Variants in USP32 observed in about 807,000 individuals in gnomAD.
USP32 encodes the protein ubiquitin carboxyl-terminal hydrolase 32.
USP32 carries 59 observed loss-of-function variants against 204.8 expected under a neutral mutation model. That is an observed-to-expected ratio of 0.29 (90% CI 0.23 to 0.36). The LOEUF is 0.36. USP32 is among the 10% of genes least tolerant of loss of function. The probability of loss-of-function intolerance (pLI) is 1.00; values close to 1 mark genes in which losing one functional copy is unlikely to be tolerated. For missense variants in USP32, 1,160 were observed against 1,946.4 expected, an observed-to-expected ratio of 0.60 and a Z score of 7.60; for synonymous variants, 517 against 678.4, an observed-to-expected ratio of 0.76 and a Z score of 3.70.
rs150224191 is a variant in USP32, at chr17:60,303,125, A to T, written c.187-1421T>A. 1.2e-4 allele frequency among the ~76,000 whole-genome samples: 19 copies of T among 152,366 alleles called. No homozygotes were observed. In the East Asian group the frequency reaches 3.7e-3, roughly 29 times the overall value. ...GCCAGTGATAACTCAACCCAGCAAAAACTAGCCAAAGGAAATAGCTACAGA... is the reference window on the plus strand; with the variant it reads ...GCCAGTGATAACTCAACCCAGCAAATACTAGCCAAAGGAAATAGCTACAGA... On this transcript the variant is annotated intron_variant, in intron 2 of 33. Transcript: ENST00000300896.
chr17:60,303,465 G>A (rs2087638708), intron 2 of USP32, among the ~76,000 whole-genome samples: 1 of 150,970 alleles, frequency 6.6e-6, no homozygotes, highest in Non-Finnish European at 1.5e-5. Context: ...ACAAATAGAA[G>A]GTAACATCAA....
At chr17:60,405,420 G>A (rs2089968204) in intron 1 of USP32, among the ~76,000 whole-genome samples, 3 of 151,894 alleles carry the variant, frequency 2.0e-5, no homozygotes, top group African/African-American at 4.8e-5. Flanking sequence ...GCCCAGGCTG[G>A]TCTCGAACTC....
chr17:60,354,821 A>C (rs897111561), intron 1 of USP32, among the ~76,000 whole-genome samples: 5 of 152,178 alleles, frequency 3.3e-5, no homozygotes, highest in African/African-American at 1.2e-4. Context: ...TGAGGCAGGC[A>C]GATCGCTTAA....
intron 1 of USP32, among the ~76,000 whole-genome samples, chr17:60,358,373 G>A (rs1390118345): frequency 1.3e-5 from 2 of 151,938 alleles, no homozygotes; most frequent in East Asian, 1.9e-4. Context: ...TCAGGAGTTC[G>A]AGGCCAGCCT....
In USP32 at chr17:60,288,505, T is replaced by C; in HGVS notation, c.571+18A>G. 2 of 1,569,038 alleles carry C rather than the reference T, an allele frequency of 1.3e-6. No homozygotes were observed. The highest frequency in any genetic ancestry group is 1.7e-6 in the Non-Finnish European group (2 of 1,163,838). On this transcript the variant is annotated intron_variant, in intron 5 of 33. Transcript: ENST00000300896. ...ATAAAAAAAGGCAAACAGAAAACAA[T>C]GAAATGTCATTACTTACAATGTGTG...
Position 60,256,718 on chromosome 17 carries a change from G to A in USP32, c.991-1460C>T, listed in dbSNP as rs533119935. ...AAAGGAACATCAATGCCTGCACCAC[G>A]GCAACAGAAGAACTTCAAAGGCTAT... On this transcript the variant is annotated intron_variant, in intron 9 of 33. Transcript: ENST00000300896. 16 of 1,137,462 alleles carry A rather than the reference G, an allele frequency of 1.4e-5. No individual in the cohort carries two copies. In the East Asian group the frequency reaches 4.3e-4, roughly 30 times the overall value. The allele number at this position is 1,137,462 out of a possible 1,614,324, so 70.5% of individuals were successfully genotyped here.
At chr17:60,301,880 C>T (rs748147491) in intron 2 of USP32, among the ~76,000 whole-genome samples, 176 bp from the exon 3 acceptor site, 1 of 152,128 alleles carries the variant, frequency 6.6e-6, no homozygotes, top group Non-Finnish European at 1.5e-5. Flanking sequence ...TTATTGCACT[C>T]AGCCTAGAAT....
intron 1 of USP32, among the ~76,000 whole-genome samples, chr17:60,347,184 CT>C (rs1178593334): frequency 3.4e-5 from 5 of 148,006 alleles, no homozygotes; most frequent in Admixed American, 1.4e-4. Flanking sequence ...TACTGGGAAG[CT>C]TTTTTTTTTC....
At chr17:60,269,377 A>T (rs796699723) in intron 7 of USP32, 73 bp downstream of exon 7, 10 of 1,136,258 alleles carry the variant, frequency 8.8e-6, no homozygotes, top group African/African-American at 7.9e-5. Context: ...ATCCACAGAT[A>T]ATTTTACATT....
chr17:60,308,057 T>G (rs2087769297), intron 2 of USP32, among the ~76,000 whole-genome samples: 1 of 152,134 alleles, frequency 6.6e-6, no homozygotes, highest in African/African-American at 2.4e-5. Flanking sequence ...AAAACTGCCT[T>G]CCCAATCCCC....
At chr17:60,402,336 G>A (rs1034408756) in intron 1 of USP32, among the ~76,000 whole-genome samples, 3 of 144,042 alleles carry the variant, frequency 2.1e-5, no homozygotes, top group African/African-American at 5.2e-5. Flanking sequence ...TTGCAGCCTC[G>A]ACCTCCCAGG....
At chr17:60,227,840 G>C (rs1393727397) in intron 12 of USP32, among the ~76,000 whole-genome samples, 1 of 151,970 alleles carries the variant, frequency 6.6e-6, no homozygotes, top group Non-Finnish European at 1.5e-5. Flanking sequence ...CACTTTAGTA[G>C]CCAAAAAATT....
intron 29 of USP32, among the ~76,000 whole-genome samples, chr17:60,188,602 T>C (rs1193275828): frequency 3.3e-5 from 5 of 152,236 alleles, no homozygotes; most frequent in Non-Finnish European, 7.3e-5. Context: ...CCATGCTTTA[T>C]TTAACCATTC....
At chr17:60,389,129 CT>C (rs1160370926) in intron 1 of USP32, among the ~76,000 whole-genome samples, 1 of 152,180 alleles carries the variant, frequency 6.6e-6, no homozygotes, top group African/African-American at 2.4e-5. Flanking sequence ...CCTATCTACC[CT>C]TTCCCCCATT....
At position 60,223,491 on chromosome 17, in the gene USP32, C is replaced by T; in HGVS notation, c.1528G>A (p.Gly510Arg). The change falls in exon 14 of 34, where the codon GGG becomes AGG. Residue 510 changes from glycine (G) to arginine (R), a missense_variant. Gly to Arg is a moderately radical substitution (Grantham distance 125). Around this residue, in one of 8 missense-constraint regions of USP32, gnomAD observed 536 missense variants for 680.9 expected, o/e 0.79. Coordinates refer to ENST00000300896, the MANE Select transcript of USP32 (RefSeq NM_032582.4). ...GGGTTAAGGTGCAACAAAATATTCC[C>T]ATTGGCTCCCAGCAAACACTGGTTG... Reference protein sequence around the residue: ...NNNQCLLGANGNILLHLNPQK... With the variant: ...NNNQCLLGANRNILLHLNPQK... 6.2e-7 allele frequency: 1 copy of T among 1,613,896 alleles called. No individual in the cohort carries two copies. Among genetic ancestry groups the T allele is most frequent in the South Asian group, 1.1e-5 (1 of 91,022 alleles).
intron 1 of USP32, among the ~76,000 whole-genome samples, chr17:60,390,538 G>A (rs779814320): frequency 8.6e-5 from 13 of 152,044 alleles, no homozygotes; most frequent in Non-Finnish European, 1.8e-4. Flanking sequence ...GTTCCACAAG[G>A]GAAAAAGAAA....
intron 2 of USP32, among the ~76,000 whole-genome samples, chr17:60,322,296 C>T (rs1423335065): frequency 6.6e-6 from 1 of 152,066 alleles, no homozygotes; most frequent in Non-Finnish European, 1.5e-5. Flanking sequence ...CACGAACATA[C>T]CACTATGCCT....
intron 13 of USP32, among the ~76,000 whole-genome samples, 187 bp downstream of exon 13, chr17:60,225,852 G>A (rs1186675739): frequency 6.6e-6 from 1 of 152,084 alleles, no homozygotes; most frequent in African/African-American, 2.4e-5. Flanking sequence ...TACTCAGGAG[G>A]CTGAGGCAGG....
chr17:60,225,959 A>C (rs1441522060), intron 13 of USP32, 80 bp downstream of exon 13: 2 of 1,409,050 alleles, frequency 1.4e-6, no homozygotes, highest in African/African-American at 1.8e-5. Context: ...TCTCAAAAAA[A>C]AAAAAAAAAA....
Sources: allele counts gnomAD v4.1 joint callset (sites outside exome capture counted in the v4.1 genomes callset), GRCh38; gene constraint gnomAD v4.1.1; regional missense constraint gnomAD v4.1.1; transcripts MANE v1.5; gene names NCBI Gene and HGNC (gene_info 2026-07-23, HGNC 2026-07-21).